Variants in ARL17B observed in about 807,000 individuals in gnomAD.
ARL17B encodes ADP-ribosylation factor-like protein 17.
At chr17:46,286,183 G>A (rs1185265677) in intron 4 of ARL17B, among the ~76,000 whole-genome samples, 2 of 152,180 alleles carry the variant, frequency 1.3e-5, no homozygotes, top group African/African-American at 4.8e-5. Flanking sequence ...CTAAACCCTG[G>A]GATATAAAAT....
intron 4 of ARL17B, among the ~76,000 whole-genome samples, chr17:46,279,901 T>A (rs1367197342): frequency 6.6e-6 from 1 of 152,206 alleles, no homozygotes; most frequent in Non-Finnish European, 1.5e-5. Context: ...TTTTTCTGTC[T>A]TAAACAAATT....
chr17:46,350,664 G>C (rs1262444493), intron 3 of ARL17B, among the ~76,000 whole-genome samples: 2 of 82,944 alleles, frequency 2.4e-5, no homozygotes, highest in South Asian at 4.4e-4. Context: ...CCAGGAGTTT[G>C]AGACCAGATT....
At chr17:46,281,245 T>C (rs2049755511) in intron 4 of ARL17B, among the ~76,000 whole-genome samples, 1 of 152,046 alleles carries the variant, frequency 6.6e-6, no homozygotes, top group Non-Finnish European at 1.5e-5. Flanking sequence ...CCTCATAGAG[T>C]GCAGGGGCTT....
chr17:46,353,007 CA>C, intron 2 of ARL17B, 77 bp from the exon 3 acceptor site: 1 of 846,424 alleles, frequency 1.2e-6, no homozygotes, highest in Non-Finnish European at 1.8e-6. Flanking sequence ...AACATGCGGA[CA>C]GTACTTTTAA....
At chr17:46,276,771 G>A (rs2049596865) in intron 4 of ARL17B, among the ~76,000 whole-genome samples, 2 of 149,528 alleles carry the variant, frequency 1.3e-5, no homozygotes, top group South Asian at 4.2e-4. Flanking sequence ...TCTTTGCATT[G>A]TAATTTTTTT....
chr17:46,287,268 C>T (rs546468930), intron 4 of ARL17B, among the ~76,000 whole-genome samples: 1 of 152,366 alleles, frequency 6.6e-6, no homozygotes, highest in South Asian at 2.1e-4. Context: ...ATGTCTTCCT[C>T]TGAATGAATG....
intron 4 of ARL17B, among the ~76,000 whole-genome samples, chr17:46,291,969 C>CAAAAAAAAAAAA (rs59554870): frequency 1.4e-3 from 84 of 58,062 alleles, no homozygotes; most frequent in Non-Finnish European, 2.0e-3. Context: ...TCTCAAAAAG[C>CAAAAAAAAAAAA]AAAAAAAAAA....
At chr17:46,283,843 T>TA (rs1323071385) in intron 4 of ARL17B, among the ~76,000 whole-genome samples, 1 of 152,180 alleles carries the variant, frequency 6.6e-6, no homozygotes, top group African/African-American at 2.4e-5. Context: ...CATAGGATAA[T>TA]AGTGGAGAGA....
chr17:46,292,945 CTTTTTTTTTTTTTTT>C (rs57946759), intron 4 of ARL17B: 1 of 8,642 alleles, frequency 1.2e-4, no homozygotes, highest in African/African-American at 1.7e-4. Context: ...CCATTTTTAT[CTTTTTTTTTTTTTTT>C]TTTTTTTTTT....
Position 46,323,374 on chromosome 17 carries a change from GT to G in ARL17B, c.260-23710del, listed in dbSNP as rs1486914054. Among the ~76,000 whole-genome samples the G allele has an allele frequency of 2.1e-5, 2 of 96,464 alleles. 1 individual carries two copies. Among genetic ancestry groups the G allele is most frequent in the Non-Finnish European group, 4.8e-5 (2 of 41,574 alleles). 63.3% of individuals were successfully genotyped at this position (96,464 alleles called of 152,430 possible). On this transcript the variant is annotated intron_variant, in intron 3 of 4. Transcript: ENST00000434041. Reference sequence around the variant, plus strand: ...AATCATATAGCACATAGCCTCTTGTGTTTGGCTCCTTTCACAAAGCCTAATT... The same window carrying G: ...AATCATATAGCACATAGCCTCTTGTGTTGGCTCCTTTCACAAAGCCTAATT...
At chr17:46,292,102 A>T in intron 4 of ARL17B, among the ~76,000 whole-genome samples, 1 of 142,580 alleles carries the variant, frequency 7.0e-6, no homozygotes, top group Non-Finnish European at 1.5e-5. Flanking sequence ...GAGGCTGAGG[A>T]GGGAGGATCA....
chr17:46,291,905 G>A (rs982708652), intron 4 of ARL17B, among the ~76,000 whole-genome samples: 4 of 150,424 alleles, frequency 2.7e-5, no homozygotes, highest in African/African-American at 7.4e-5. Context: ...AGGCTGCGAT[G>A]GGGTGTGATT....
chr17:46,284,358 A>G (rs1477712210), intron 4 of ARL17B, among the ~76,000 whole-genome samples: 1 of 152,258 alleles, frequency 6.6e-6, no homozygotes, highest in African/African-American at 2.4e-5. Context: ...GCTGCCTTCA[A>G]GCATCTGTTT....
intron 4 of ARL17B, among the ~76,000 whole-genome samples, chr17:46,279,570 T>C (rs1158952670): frequency 1.4e-5 from 2 of 147,160 alleles, no homozygotes; most frequent in Non-Finnish European, 3.0e-5. Context: ...TGCATGAACA[T>C]GGCTCACTGC....
chr17:46,290,225 G>A (rs549647255), intron 4 of ARL17B, among the ~76,000 whole-genome samples: 44 of 152,312 alleles, frequency 2.9e-4, no homozygotes, highest in African/African-American at 5.5e-4. Context: ...GACCTCCTGG[G>A]GTCAAGCAGT....
chr17:46,275,285 C>A, exon 5 of ARL17B: 1 of 598,218 alleles, frequency 1.7e-6, no homozygotes, highest in Non-Finnish European at 2.8e-6. Flanking sequence ...CAAGTCTTGT[C>A]AGGATAGCCT....
downstream of ARL17B, chr17:46,332,506 T>C (rs2052018624): frequency 7.8e-7 from 1 of 1,274,716 alleles, no homozygotes; most frequent in Non-Finnish European, 1.1e-6. Context: ...GGGTTTTGAA[T>C]AGTTAGCTCT....
At chr17:46,340,808 C>T (rs1222245752) in intron 3 of ARL17B, among the ~76,000 whole-genome samples, 1 of 78,796 alleles carries the variant, frequency 1.3e-5, no homozygotes, top group Admixed American at 1.3e-4. Context: ...TCCCAAAGTG[C>T]TGGGATTACA....
chr17:46,285,589 T>G (rs1379041021), intron 4 of ARL17B, among the ~76,000 whole-genome samples: 1 of 152,206 alleles, frequency 6.6e-6, no homozygotes, highest in African/African-American at 2.4e-5. Context: ...CTAATCATAC[T>G]GTTTCTCAAT....
Sources: allele counts gnomAD v4.1 joint callset (sites outside exome capture counted in the v4.1 genomes callset), GRCh38; gene constraint gnomAD v4.1.1; transcripts MANE v1.5; gene names NCBI Gene and HGNC (gene_info 2026-07-23, HGNC 2026-07-21).